Variants in HAGHL observed in about 807,000 individuals in gnomAD.
HAGHL encodes hydroxyacylglutathione hydrolase like, also known as hydroxyacylglutathione hydrolase-like protein.
In HAGHL, 27 loss-of-function variants were observed where a neutral mutation model predicts 29.2. The observed-to-expected ratio is 0.92, with a 90% CI of 0.68 to 1.27. HAGHL has a LOEUF of 1.27. Among genes scored for constraint, HAGHL ranks in the 50% most tolerant of loss-of-function variants. The pLI is 0.00. For synonymous variants in HAGHL, 223 were observed against 185.7 expected (o/e 1.20, Z -1.63); for missense variants, 529 against 405.5 (o/e 1.30, Z -2.62).
At chr16:727,657 C>G in intron 1 of HAGHL, 43 bp downstream of exon 1, 1 of 1,339,626 alleles carries the variant, frequency 7.5e-7, no homozygotes, top group Non-Finnish European at 1.1e-6. Flanking sequence ...CCGTGTCCCC[C>G]GAGAGCCTCC....
At chr16:727,859 TC>T in intron 1 of HAGHL, 105 bp from the exon 2 acceptor site, 1 of 1,223,378 alleles carries the variant, frequency 8.2e-7, no homozygotes, top group Non-Finnish European at 1.2e-6. Context: ...TCCCCGGCGC[TC>T]CCCGGGGCTC....
In HAGHL at chr16:727,634, C is replaced by G; in HGVS notation, c.105+20C>G. 1 of 1,527,834 alleles carries G rather than the reference C, an allele frequency of 6.5e-7. No individual in the cohort carries two copies. Among genetic ancestry groups the G allele is most frequent in the Non-Finnish European group, 9.0e-7 (1 of 1,111,622 alleles). 94.6% of individuals were successfully genotyped at this position (1,527,834 alleles called of 1,614,324 possible). ...AAGAGGGTGAGGGCAGGCCGCGGGC[C>G]GCAGGGACCCGGCCGTGTCCCCCGA... is the stretch of plus-strand genomic sequence containing the variant. On this transcript the variant is annotated intron_variant, in intron 1 of 7. Transcript: ENST00000389703.
Position 727,602 on chromosome 16 carries a change from T to A in HAGHL, c.93T>A (p.Ala31=). 6.2e-7 allele frequency: 1 copy of A among 1,609,300 alleles called. No homozygotes were observed. Among genetic ancestry groups the A allele is most frequent in the Non-Finnish European group, 8.5e-7 (1 of 1,177,796 alleles). ...GCGAGGCGGTGGCCGTGGACGTGGCTGTGCCCAAGAGGGTGAGGGCAGGCC... is the reference window on the plus strand; with the variant it reads ...GCGAGGCGGTGGCCGTGGACGTGGCAGTGCCCAAGAGGGTGAGGGCAGGCC... ...LTREAVAVDV[A]VPKRLLEIVG... is the part of the protein sequence containing the mutation. The change falls in exon 1 of 8, where the codon GCT becomes GCA. Residue 31 remains alanine, a synonymous_variant. Transcript: ENST00000389703.
In HAGHL at chr16:727,591, G is replaced by C. The variant is rs777098321; in HGVS notation, c.82G>C (p.Val28Leu). The C allele has an allele frequency of 3.2e-5, 52 of 1,610,486 alleles. No homozygotes were observed. Among genetic ancestry groups the C allele is most frequent in the Non-Finnish European group, 4.2e-5 (49 of 1,178,628 alleles). ...GGAGCTCACGCGCGAGGCGGTGGCC[G>C]TGGACGTGGCTGTGCCCAAGAGGGT... ...IEELTREAVA[V>L]DVAVPKRLLE... The change falls in exon 1 of 8, where the codon GTG becomes CTG. Residue 28 changes from valine to leucine, a missense_variant. Transcript: ENST00000389703.
intron 6 of HAGHL, 25 bp from the exon 7 acceptor site, chr16:728,984 T>TG: frequency 6.3e-7 from 1 of 1,589,424 alleles, no homozygotes; most frequent in Non-Finnish European, 8.6e-7. Context: ...GGCCTAATGG[T>TG]GACCGGGGCC....
intron 1 of HAGHL, 41 bp downstream of exon 1, chr16:727,655 C>CTG: frequency 1.5e-6 from 2 of 1,361,786 alleles, no homozygotes; most frequent in Non-Finnish European, 2.1e-6. Context: ...GGCCGTGTCC[C>CTG]CCGAGAGCCT....
chr16:728,500 C>T lies in HAGHL; in HGVS notation c.398-4C>T. On this transcript the variant is annotated splice_region_variant and splice_polypyrimidine_tract_variant and intron_variant, in intron 4 of 7. Coordinates refer to ENST00000389703, the MANE Select transcript of HAGHL (RefSeq NM_032304.4). ...ATCTGCTCTGACCCGCCCTCCCCCG[C>T]CAGGCGACGCGCTGTCGGTGGCCGG... is the stretch of plus-strand genomic sequence containing the variant. 1 of 1,528,514 alleles carries T rather than the reference C, an allele frequency of 6.5e-7. No individual in the cohort carries two copies. The highest frequency in any genetic ancestry group is 8.8e-7 in the Non-Finnish European group (1 of 1,142,194). The allele number at this position is 1,528,514 out of a possible 1,614,324, so 94.7% of individuals were successfully genotyped here.
chr16:728,925 G>A (rs765371094), intron 6 of HAGHL, 30 bp downstream of exon 6: 15 of 1,281,016 alleles, frequency 1.2e-5, no homozygotes, highest in South Asian at 4.9e-5. Context: ...GCGGCAAGAG[G>A]GTGGGGGGGG....
Position 728,109 on chromosome 16 carries a change from C to T in HAGHL, c.171-7C>T. 6.8e-7 allele frequency: 1 copy of T among 1,472,290 alleles called. No homozygotes were observed. The highest frequency in any genetic ancestry group is 9.0e-7 in the Non-Finnish European group (1 of 1,116,764). The allele number at this position is 1,472,290 out of a possible 1,614,324, so 91.2% of individuals were successfully genotyped here. A position where few individuals can be genotyped will look rare whatever the true frequency, so the allele number is the denominator to read the frequency against. On this transcript the variant is annotated splice_region_variant and splice_polypyrimidine_tract_variant and intron_variant, in intron 2 of 7. Coordinates refer to ENST00000389703, the MANE Select transcript of HAGHL (RefSeq NM_032304.4). Reference sequence around the variant, plus strand: ...ACCTAACCCGGCCCCCGCCCGCCCGCCCGCAGGGACCACGCGCGGGGAAAC... The same window carrying T: ...ACCTAACCCGGCCCCCGCCCGCCCGTCCGCAGGGACCACGCGCGGGGAAAC...
At position 728,930 on chromosome 16, in the gene HAGHL, G is replaced by T. The variant is rs555429162; in HGVS notation, c.600+35G>T. The T allele has an allele frequency of 2.2e-5, 27 of 1,204,742 alleles. 2 individuals carry two copies. Among genetic ancestry groups the T allele is most frequent in the Middle Eastern group, 2.1e-4 (1 of 4,684 alleles). 74.6% of individuals were successfully genotyped at this position (1,204,742 alleles called of 1,614,324 possible). A position where few individuals can be genotyped will look rare whatever the true frequency, so the allele number is the denominator to read the frequency against. On this transcript the variant is annotated intron_variant, in intron 6 of 7. Transcript: ENST00000389703. ...CTTTCCCGCCGCGGCAAGAGGGTGG[G>T]GGGGGAGGGAACAGGCTTCGGGGTG...
chr16:728,378 C>T lies in HAGHL; in HGVS notation c.351C>T (p.Tyr117=), dbSNP rs768586616. ...TPGHTAGHMS[Y]FLWEDDCPDP... ...GCCACACCGCCGGCCACATGAGCTA[C>T]TTCCTGTGGGAGGACGATTGCCCGG... The change falls in exon 4 of 8, where the codon TAC becomes TAT. Residue 117 remains tyrosine (Y), a synonymous_variant. Transcript: ENST00000389703. The T allele has an allele frequency of 5.1e-6, 8 of 1,579,750 alleles. No individual in the cohort carries two copies. The highest frequency in any genetic ancestry group is 3.5e-5 in the South Asian group (3 of 86,792).
intron 4 of HAGHL, 36 bp downstream of exon 4, chr16:728,460 C>A: frequency 6.7e-7 from 1 of 1,501,160 alleles, no homozygotes; most frequent in Non-Finnish European, 8.9e-7. Flanking sequence ...CCCCGCCTCC[C>A]GCCGGCCCCG....
At chr16:728,663 C>G in intron 5 of HAGHL, 59 bp downstream of exon 5, 1 of 1,276,558 alleles carries the variant, frequency 7.8e-7, no homozygotes, top group Non-Finnish European at 1.1e-6. Context: ...CGCTCCGCAC[C>G]CTCACTGTGC....
Position 729,467 on chromosome 16 carries a change from C to T in HAGHL, c.*11C>T. On this transcript the variant is annotated 3_prime_UTR_variant, in exon 8 of 8. Coordinates refer to ENST00000389703, the MANE Select transcript of HAGHL (RefSeq NM_032304.4). ...GCCCCACACGACTGAGCCACCCAGA[C>T]CCTCACAGGGCTGGGGCCTGCGTCC... 1.9e-6 allele frequency: 3 copies of T among 1,539,792 alleles called. No homozygotes were observed. In the South Asian group the frequency reaches 3.6e-5, roughly 18 times the overall value.
Position 729,433 on chromosome 16 carries a change from C to T in HAGHL, c.826C>T (p.Leu276=). Residue 276 remains leucine, a synonymous_variant, in exon 8 of 8, where the codon CTG becomes TTG. Transcript: ENST00000389703. ...CCTCCTTGCGCTGCAGTGGGGGCTC[C>T]TGAGTGCAGCCCCACACGACTGAGC... ...RALLALQWGL[L]SAAPHD is the part of the protein sequence containing the mutation. 2 of 1,533,588 alleles carry T rather than the reference C, an allele frequency of 1.3e-6. No homozygotes were observed. The highest frequency in any genetic ancestry group is 1.2e-5 in the South Asian group (1 of 82,628). 95.0% of individuals were successfully genotyped at this position (1,533,588 alleles called of 1,614,324 possible).
At chr16:727,897 C>T (rs934561372) in intron 1 of HAGHL, 68 bp from the exon 2 acceptor site, 1 of 1,484,332 alleles carries the variant, frequency 6.7e-7, no homozygotes, top group Admixed American at 1.9e-5. Flanking sequence ...GTGAGCGCGG[C>T]GGATCCCGAT....
At chr16:729,215 G>A (rs1285198406) in intron 7 of HAGHL, 73 bp from the exon 8 acceptor site, 3 of 1,550,738 alleles carry the variant, frequency 1.9e-6, no homozygotes, top group Admixed American at 1.8e-5. Context: ...GTGCCTGCCT[G>A]CCCGCCCACC....
At chr16:729,254 C>CG (rs2041229778) in intron 7 of HAGHL, 34 bp from the exon 8 acceptor site, 1 of 1,522,034 alleles carries the variant, frequency 6.6e-7, no homozygotes, top group Admixed American at 2.0e-5. Flanking sequence ...GCGTGGGCAG[C>CG]GGGCCCTGCG....
rs2041173464 is a variant in HAGHL at position 728,428 on chromosome 16, C to T, written c.397+4C>T. ...GACCCACCCGCCCTGTTCTCGGGTA[C>T]CCGCAGCGCGGAGCGCGCCCACCCC... is the stretch of plus-strand genomic sequence containing the variant. On this transcript the variant is annotated splice_donor_region_variant and intron_variant, in intron 4 of 7. Transcript: ENST00000389703. The T allele has an allele frequency of 2.1e-6, 3 of 1,449,292 alleles. No homozygotes were observed. Among genetic ancestry groups the T allele is most frequent in the South Asian group, 2.4e-5 (2 of 82,552 alleles). 89.8% of individuals were successfully genotyped at this position (1,449,292 alleles called of 1,614,324 possible). A position where few individuals can be genotyped will look rare whatever the true frequency, so the allele number is the denominator to read the frequency against.
Sources: allele counts gnomAD v4.1 joint callset, GRCh38; gene constraint gnomAD v4.1.1; transcripts MANE v1.5; gene names NCBI Gene and HGNC (gene_info 2026-07-23, HGNC 2026-07-21).